The following MAP3K2 variants were observed in gnomAD, a reference collection of about 807,000 sequenced individuals.
MAP3K2 encodes the protein MAP/ERK kinase kinase 2.
Under a neutral mutation model 80.3 loss-of-function variants are expected in MAP3K2, and 24 were observed. The observed-to-expected ratio is 0.30, with a 90% CI of 0.22 to 0.42. The LOEUF (loss-of-function observed/expected upper bound fraction) is 0.42. Ranked by LOEUF, MAP3K2 falls within the 10% of genes least tolerant of loss-of-function variation. The pLI, the probability that MAP3K2 is intolerant of heterozygous loss-of-function variation, is 1.00. For missense variants in MAP3K2, 608 were observed against 750.1 expected (o/e 0.81, Z 2.21); for synonymous variants, 244 against 253.7 (o/e 0.96, Z 0.36).
At position 127,303,205 on chromosome 2, in the gene MAP3K2, G is replaced by C. The variant is rs183672058; in HGVS notation, c.*4374C>G. The C allele has an allele frequency of 2.6e-5, 4 of 151,874 alleles. No homozygotes were observed. The highest frequency in any genetic ancestry group is 1.3e-4 in the Admixed American group (2 of 15,252). The allele number at this position is 151,874 out of a possible 1,614,324, so 9.4% of individuals were successfully genotyped here. On this transcript the variant is annotated 3_prime_UTR_variant, in exon 17 of 17. Transcript: ENST00000682094. The stretch of plus-strand genomic sequence containing the variant: ...AGTAATAAAACAGTATGATCTCAAG[G>C]AACTGTCCTGATCTTAGTATAAATA...
chr2:127,302,659 T>C lies in MAP3K2; in HGVS notation c.*4920A>G, dbSNP rs1317998961. 6.6e-6 allele frequency: 1 copy of C among 152,178 alleles called. No individual in the cohort carries two copies. Among genetic ancestry groups the C allele is most frequent in the Non-Finnish European group, 1.5e-5 (1 of 68,030 alleles). 9.4% of individuals were successfully genotyped at this position (152,178 alleles called of 1,614,324 possible). On this transcript the variant is annotated 3_prime_UTR_variant, in exon 17 of 17. Coordinates refer to ENST00000682094, the MANE Select transcript of MAP3K2 (RefSeq NM_001371910.2). Reference sequence around the variant, plus strand: ...ATGACTTCTTTAGGGCAAAAACAAGTATTGTAACTCTACCATGAAAATCAT... The same window carrying C: ...ATGACTTCTTTAGGGCAAAAACAAGCATTGTAACTCTACCATGAAAATCAT...
intron 15 of MAP3K2, among the ~76,000 whole-genome samples, chr2:127,311,613 T>C (rs1475973365): frequency 6.6e-6 from 1 of 152,148 alleles, no homozygotes; most frequent in Non-Finnish European, 1.5e-5. Flanking sequence ...TGGACAATCC[T>C]GCCCCAGCCA....
At chr2:127,359,741 A>T (rs1355633414) in intron 1 of MAP3K2, among the ~76,000 whole-genome samples, 3 of 151,922 alleles carry the variant, frequency 2.0e-5, no homozygotes, top group African/African-American at 7.3e-5. Flanking sequence ...GGACGTTTAA[A>T]AGTGTGCGGC....
intron 1 of MAP3K2, among the ~76,000 whole-genome samples, chr2:127,348,920 G>C (rs1686643564): frequency 6.6e-6 from 1 of 152,004 alleles, no homozygotes; most frequent in Admixed American, 6.6e-5. Flanking sequence ...TTTTCAAAAA[G>C]CCCTAATCCA....
At position 127,339,158 on chromosome 2, in the gene MAP3K2, G is replaced by A. The variant is rs553604422; in HGVS notation, c.5-108C>T. ...TAAAATAAAATTTGATGTAGAGAAT[G>A]TATTAATGCAAAAATGCATCTAGAA... On this transcript the variant is annotated intron_variant, in intron 2 of 16. Coordinates refer to ENST00000682094, the MANE Select transcript of MAP3K2 (RefSeq NM_001371910.2). The surrounding 1 kb of genome is among the most constrained non-coding windows in gnomAD (Gnocchi z 4.2). The A allele has an allele frequency of 6.6e-5, 44 of 665,718 alleles. No individual in the cohort carries two copies. In the South Asian group the frequency reaches 9.5e-4, roughly 14 times the overall value. The allele number at this position is 665,718 out of a possible 1,614,324, so 41.2% of individuals were successfully genotyped here.
chr2:127,303,606 C>T lies in MAP3K2; in HGVS notation c.*3973G>A, dbSNP rs1484271864. 2.0e-5 allele frequency: 3 copies of T among 152,088 alleles called. No individual in the cohort carries two copies. The highest frequency in any genetic ancestry group is 7.2e-5 in the African/African-American group (3 of 41,418). 9.4% of individuals were successfully genotyped at this position (152,088 alleles called of 1,614,324 possible). On this transcript the variant is annotated 3_prime_UTR_variant, in exon 17 of 17. Transcript: ENST00000682094. ...ATCATTGCTGAACTTTCAGAGTTAG[C>T]GTATGCCATAAAATAAGTAACTGTT...
intron 1 of MAP3K2, among the ~76,000 whole-genome samples, chr2:127,344,945 C>G (rs1029587880): frequency 1.3e-5 from 2 of 152,204 alleles, no homozygotes; most frequent in South Asian, 4.1e-4. Flanking sequence ...CTCACTGCAG[C>G]CTTGATCTGC....
chr2:127,383,358 T>G (rs763673304), intron 1 of MAP3K2, among the ~76,000 whole-genome samples: 5 of 152,202 alleles, frequency 3.3e-5, no homozygotes, highest in Non-Finnish European at 7.4e-5. Flanking sequence ...CATCTAGAAT[T>G]TCTTACATCA....
At chr2:127,336,395 A>G (rs1686372142) in intron 4 of MAP3K2, among the ~76,000 whole-genome samples, 1 of 152,218 alleles carries the variant, frequency 6.6e-6, no homozygotes, top group African/African-American at 2.4e-5. Context: ...TATCAACTCA[A>G]CATTTTTGGG....
At chr2:127,363,296 G>A (rs958386063) in intron 1 of MAP3K2, among the ~76,000 whole-genome samples, 25 of 152,030 alleles carry the variant, frequency 1.6e-4, no homozygotes, top group African/African-American at 6.0e-4. Flanking sequence ...GTGCCAATAT[G>A]CTCTCCTCAC....
intron 7 of MAP3K2, among the ~76,000 whole-genome samples, chr2:127,328,328 C>T (rs929059704): frequency 2.0e-5 from 3 of 151,890 alleles, no homozygotes; most frequent in Admixed American, 1.3e-4. Flanking sequence ...TGACAAGTAC[C>T]GTAATGTGAT....
chr2:127,384,539 G>A (rs1051906729), intron 1 of MAP3K2, among the ~76,000 whole-genome samples: 5 of 152,160 alleles, frequency 3.3e-5, no homozygotes, highest in Non-Finnish European at 7.3e-5. Flanking sequence ...TGACTTTGAG[G>A]GGTTTAAGAC....
At chr2:127,376,635 T>C (rs983130053) in intron 1 of MAP3K2, among the ~76,000 whole-genome samples, 2 of 152,116 alleles carry the variant, frequency 1.3e-5, no homozygotes, top group African/African-American at 2.4e-5. Context: ...ATGACAAAAA[T>C]GTTGAGCTGA....
chr2:127,375,108 T>A (rs1687127329), intron 1 of MAP3K2, among the ~76,000 whole-genome samples: 1 of 152,206 alleles, frequency 6.6e-6, no homozygotes, highest in Admixed American at 6.5e-5. Flanking sequence ...ATGGTCCAAA[T>A]GAATTGTTAA....
intron 1 of MAP3K2, among the ~76,000 whole-genome samples, chr2:127,355,637 A>G (rs1686784099): frequency 3.3e-5 from 5 of 152,140 alleles, no homozygotes; most frequent in Admixed American, 2.0e-4. Flanking sequence ...CTGACTGATA[A>G]GGGTGGTGGT....
intron 1 of MAP3K2, among the ~76,000 whole-genome samples, chr2:127,367,517 G>C (rs1048030319): frequency 6.6e-6 from 1 of 152,170 alleles, no homozygotes; most frequent in Non-Finnish European, 1.5e-5. Flanking sequence ...TCCAGGCAGG[G>C]CACTGTGGCT....
rs531716668 is a variant in MAP3K2 at position 127,362,510 on chromosome 2, A to AT, written c.-65-19317dup. 5.3e-5 allele frequency among the ~76,000 whole-genome samples: 8 copies of AT among 152,118 alleles called. No homozygotes were observed. The South Asian group carries it at 1.2e-3, about 24-fold the overall frequency. On this transcript the variant is annotated intron_variant, in intron 1 of 16. Coordinates refer to ENST00000682094, the MANE Select transcript of MAP3K2 (RefSeq NM_001371910.2). ...TGTTTACAAATGTTTACAAATCTTA[A>AT]TTTTTTTTCTATATTTGATTATTTT...
chr2:127,380,631 A>C (rs1002759698), intron 1 of MAP3K2, among the ~76,000 whole-genome samples: 3 of 152,216 alleles, frequency 2.0e-5, no homozygotes, highest in Admixed American at 2.0e-4. Context: ...GTTAAGACCT[A>C]ATCTTAACTC....
chr2:127,368,172 A>C (rs1687003410), intron 1 of MAP3K2, among the ~76,000 whole-genome samples: 1 of 151,928 alleles, frequency 6.6e-6, no homozygotes, highest in Non-Finnish European at 1.5e-5. Flanking sequence ...AAATAGGAAA[A>C]TTAACCTGGT....
Sources: gnomAD v4.1 joint callset for allele counts (sites outside exome capture counted in the v4.1 genomes callset) on GRCh38, gnomAD v4.1.1 for gene constraint, Gnocchi (gnomAD v3.1) non-coding constraint, MANE v1.5 for transcripts, NCBI Gene and HGNC (gene_info 2026-07-23, HGNC 2026-07-21) for gene names.